ESR1: variants seen among roughly 807,000 people sequenced by gnomAD.
The protein encoded by ESR1 is estrogen receptor 1.
Under a neutral mutation model 52.7 loss-of-function variants are expected in ESR1, and 12 were observed. The observed-to-expected ratio is 0.23, with a 90% confidence interval of 0.15 to 0.37. ESR1 has a LOEUF of 0.37. Ranked by LOEUF, ESR1 falls within the 10% of genes least tolerant of loss-of-function variation. The pLI is 1.00. For missense variants in ESR1, 584 were observed against 779.7 expected, an observed-to-expected ratio of 0.75 and a Z score of 2.99; for synonymous variants, 305 against 316.8, an observed-to-expected ratio of 0.96 and a Z score of 0.39.
chr6:151,848,374 T>C (rs1785554005), intron 2 of ESR1, among the ~76,000 whole-genome samples: 1 of 122,244 alleles, frequency 8.2e-6, no homozygotes, highest in South Asian at 3.1e-4. Flanking sequence ...ATATACCTAA[T>C]GCTAGATGAC....
intron 2 of ESR1, among the ~76,000 whole-genome samples, chr6:151,776,928 G>A (rs1230391831): frequency 1.3e-5 from 2 of 151,804 alleles, no homozygotes; most frequent in East Asian, 1.9e-4. Flanking sequence ...GGAGATATAC[G>A]TGAGTTTGAC....
At chr6:151,912,225 C>T (rs548327263) in intron 3 of ESR1, among the ~76,000 whole-genome samples, 6 of 152,170 alleles carry the variant, frequency 3.9e-5, no homozygotes, top group African/African-American at 1.2e-4. Context: ...GTCTGATAGG[C>T]GCTGTATCTT....
chr6:151,776,835 G>A (rs1313774046), intron 2 of ESR1, among the ~76,000 whole-genome samples: 3 of 148,292 alleles, frequency 2.0e-5, no homozygotes, highest in South Asian at 2.1e-4. Context: ...GTGAAACTCC[G>A]TCTTAAAAAA....
intron 2 of ESR1, among the ~76,000 whole-genome samples, chr6:151,717,331 A>G (rs1781125986): frequency 6.6e-6 from 1 of 152,160 alleles, no homozygotes; most frequent in Non-Finnish European, 1.5e-5. Context: ...CTGGTTTTCA[A>G]CCTTCAGTCT....
chr6:152,005,902 C>T (rs1251822759), intron 4 of ESR1, among the ~76,000 whole-genome samples: 8 of 151,990 alleles, frequency 5.3e-5, no homozygotes, highest in South Asian at 4.1e-4. Context: ...GGCCTGTGGA[C>T]GAAGGCTATT....
intron 1 of ESR1, among the ~76,000 whole-genome samples, chr6:151,661,835 T>G (rs560855469): frequency 4.6e-5 from 7 of 152,342 alleles, no homozygotes; most frequent in African/African-American, 1.7e-4. Flanking sequence ...CTCTCTCTCC[T>G]GCTGCTATGT....
chr6:151,951,221 T>G (rs2036286932), intron 4 of ESR1, among the ~76,000 whole-genome samples: 1 of 152,194 alleles, frequency 6.6e-6, no homozygotes, highest in African/African-American at 2.4e-5. Flanking sequence ...CATCCTGGTA[T>G]GCTGTGTGAG....
chr6:152,025,195 C>T (rs1482195869), intron 5 of ESR1, among the ~76,000 whole-genome samples: 1 of 133,044 alleles, frequency 7.5e-6, no homozygotes, highest in African/African-American at 3.0e-5. Context: ...TGTGTGTAGT[C>T]TTCATCACGC....
chr6:151,871,255 A>T (rs1325701696), intron 2 of ESR1, among the ~76,000 whole-genome samples: 1 of 152,038 alleles, frequency 6.6e-6, no homozygotes, highest in Non-Finnish European at 1.5e-5. Context: ...ATTAAAAATA[A>T]AAATAAAATT....
intron 2 of ESR1, among the ~76,000 whole-genome samples, chr6:151,758,976 T>C (rs1469510371): frequency 6.6e-6 from 1 of 151,130 alleles, no homozygotes; most frequent in Non-Finnish European, 1.5e-5. Context: ...TACTACATGG[T>C]CTAGAAAACC....
At chr6:151,661,195 T>C (rs978613121) in intron 1 of ESR1, among the ~76,000 whole-genome samples, 2 of 152,264 alleles carry the variant, frequency 1.3e-5, no homozygotes, top group African/African-American at 4.8e-5. Flanking sequence ...GTGGATATCA[T>C]GGGGAAAACC....
At chr6:151,669,677 G>A (rs1402291836) in intron 1 of ESR1, among the ~76,000 whole-genome samples, 6 of 152,166 alleles carry the variant, frequency 3.9e-5, no homozygotes, top group African/African-American at 1.4e-4. Context: ...TGGTAGGGCT[G>A]TTGGAAGGAT....
intron 5 of ESR1, among the ~76,000 whole-genome samples, chr6:152,059,156 A>G (rs1270305392): frequency 6.6e-6 from 1 of 152,160 alleles, no homozygotes; most frequent in Non-Finnish European, 1.5e-5. Context: ...CACTCTTTAA[A>G]TGGGCAAATG....
intron 1 of ESR1, among the ~76,000 whole-genome samples, chr6:151,830,797 T>C (rs1262976378): frequency 6.6e-6 from 1 of 152,206 alleles, no homozygotes; most frequent in Non-Finnish European, 1.5e-5. Context: ...ACATTTTTCT[T>C]AAGTGAGTGG....
intron 6 of ESR1, among the ~76,000 whole-genome samples, chr6:152,081,549 C>T (rs1306193513): frequency 6.6e-6 from 1 of 151,602 alleles, no homozygotes; most frequent in African/African-American, 2.4e-5. Flanking sequence ...GACACCCTAA[C>T]ATCACAATTG....
At chr6:151,791,705 G>A (rs1776171400) in intron 2 of ESR1, among the ~76,000 whole-genome samples, 1 of 152,140 alleles carries the variant, frequency 6.6e-6, no homozygotes, top group Non-Finnish European at 1.5e-5. Flanking sequence ...GAGACATGTG[G>A]CTTTCAGGTA....
intron 1 of ESR1, among the ~76,000 whole-genome samples, chr6:151,697,626 AT>A (rs1036170652): frequency 6.6e-6 from 1 of 152,204 alleles, no homozygotes; most frequent in African/African-American, 2.4e-5. Flanking sequence ...GACCATTTGA[AT>A]TTTTTATATT....
intron 6 of ESR1, among the ~76,000 whole-genome samples, chr6:152,073,571 T>G (rs927058282): frequency 6.6e-6 from 1 of 152,264 alleles, no homozygotes; most frequent in Non-Finnish European, 1.5e-5. Context: ...CACCCTGTTT[T>G]GAAATGCAGA....
At chr6:151,745,686 A>C (rs1235054141) in intron 2 of ESR1, among the ~76,000 whole-genome samples, 1 of 152,174 alleles carries the variant, frequency 6.6e-6, no homozygotes, top group Non-Finnish European at 1.5e-5. Flanking sequence ...ACTTTACCAG[A>C]GACTTTTTAT....
Sources: gnomAD v4.1 joint callset for allele counts (sites outside exome capture counted in the v4.1 genomes callset) on GRCh38, gnomAD v4.1.1 for gene constraint, MANE v1.5 for transcripts, NCBI Gene and HGNC (gene_info 2026-07-23, HGNC 2026-07-21) for gene names.